Variants in MCTP2 observed in about 807,000 individuals in gnomAD.
The protein encoded by MCTP2 is multiple C2 and transmembrane domain containing 2, also known as multiple C2 and transmembrane domain-containing protein 2.
Under a neutral mutation model 111.6 loss-of-function variants are expected in MCTP2, and 132 were observed. The observed-to-expected ratio is 1.18, with a 90% CI of 1.03 to 1.37. The LOEUF (loss-of-function observed/expected upper bound fraction) is 1.37. Ranked by LOEUF, MCTP2 falls within the 40% of genes most tolerant of loss-of-function variation. MCTP2 has a pLI of 0.00. For synonymous variants in MCTP2, 395 were observed against 387.7 expected, an observed-to-expected ratio of 1.02 and a Z score of -0.22; for missense variants, 1,183 against 1,067.9, an observed-to-expected ratio of 1.11 and a Z score of -1.50.
chr15:94,408,615 G>A (rs1365311539), intron 17 of MCTP2, among the ~76,000 whole-genome samples: 1 of 151,928 alleles, frequency 6.6e-6, no homozygotes, highest in Admixed American at 6.6e-5. Flanking sequence ...AACTAATTAT[G>A]CAATTTAATA....
At chr15:94,423,454 C>T (rs2082721154) in intron 17 of MCTP2, among the ~76,000 whole-genome samples, 1 of 152,036 alleles carries the variant, frequency 6.6e-6, no homozygotes, top group Non-Finnish European at 1.5e-5. Context: ...GGAATTAACA[C>T]AAAAGGGAAA....
chr15:94,398,523 T>C (rs1264963451), intron 14 of MCTP2, among the ~76,000 whole-genome samples: 1 of 152,230 alleles, frequency 6.6e-6, no homozygotes, highest in Non-Finnish European at 1.5e-5. Context: ...ATCTTTTTTC[T>C]GTTCAAGGAC....
intron 22 of MCTP2, among the ~76,000 whole-genome samples, chr15:94,478,221 A>T (rs1375325297): frequency 6.6e-6 from 1 of 152,188 alleles, no homozygotes; most frequent in Non-Finnish European, 1.5e-5. Flanking sequence ...AATTTCCCTC[A>T]AGCCCCCAAG....
intron 7 of MCTP2, chr15:94,343,305 G>A (rs1183242033): frequency 6.6e-6 from 1 of 152,090 alleles, no homozygotes; most frequent in African/African-American, 2.4e-5. Flanking sequence ...GGGATTTTAA[G>A]TGGGAATAAC....
chr15:94,259,264 G>A (rs547409030), intron 1 of MCTP2, among the ~76,000 whole-genome samples: 104 of 152,282 alleles, frequency 6.8e-4, no homozygotes, highest in African/African-American at 2.5e-3. Context: ...AAAGCTCATC[G>A]AACTCCAAAT....
chr15:94,358,613 G>A lies in MCTP2; in HGVS notation c.1301+1G>A, dbSNP rs746093287. ...AAAAGCATGAGGAACGTCTGGGCACGTGAGTCCCCTCTGCTTTCCAGTGGC... is the reference window on the plus strand; with the variant it reads ...AAAAGCATGAGGAACGTCTGGGCACATGAGTCCCCTCTGCTTTCCAGTGGC... On this transcript the variant is annotated splice_donor_variant, in intron 10 of 22. Transcript: ENST00000357742. LOFTEE classifies it high-confidence loss of function. 4.2e-5 allele frequency: 67 copies of A among 1,613,162 alleles called. No homozygotes were observed. Among genetic ancestry groups the A allele is most frequent in the Non-Finnish European group, 5.0e-5 (59 of 1,179,546 alleles).
At chr15:94,337,685 G>GCA (rs2077432411) in intron 4 of MCTP2, among the ~76,000 whole-genome samples, 2 of 149,596 alleles carry the variant, frequency 1.3e-5, no homozygotes, top group East Asian at 1.9e-4. Context: ...GTGTGTGTGT[G>GCA]CGCGCGCATG....
chr15:94,250,444 C>T (rs1379351164), intron 1 of MCTP2, among the ~76,000 whole-genome samples: 1 of 152,068 alleles, frequency 6.6e-6, no homozygotes, highest in African/African-American at 2.4e-5. Flanking sequence ...ACTATAGAAG[C>T]CTATGAACAC....
In MCTP2 at chr15:94,367,755, A is replaced by G. The variant is rs1233755048; in HGVS notation, c.1452A>G (p.Ala484=). The G allele has an allele frequency of 1.9e-6, 3 of 1,606,636 alleles. No individual in the cohort carries two copies. The highest frequency in any genetic ancestry group is 2.5e-6 in the Non-Finnish European group (3 of 1,176,774). Residue 484 remains alanine (A), a synonymous_variant, in exon 11 of 23, where the codon GCA becomes GCG. Coordinates refer to ENST00000357742, the MANE Select transcript of MCTP2 (RefSeq NM_001385001.1). The part of the protein sequence containing the change: ...SVSDLCVCPL[A]DLSERKQITQ... ...CTGATCTGTGTGTCTGCCCCTTAGC[A>G]GACCTCAGCGAAAGAAAGCAGATTA... is the stretch of plus-strand genomic sequence containing the variant.
chr15:94,399,196 A>T (rs1029727621), intron 15 of MCTP2, 134 bp downstream of exon 15: 3 of 588,224 alleles, frequency 5.1e-6, no homozygotes, highest in Non-Finnish European at 9.2e-6. Context: ...AGTGTTTTAA[A>T]GCTGTGCATT....
rs574190395 is a variant in MCTP2 at position 94,375,318 on chromosome 15, G to T, written c.1582+5138G>T. Among the ~76,000 whole-genome samples, 12 of 152,274 alleles carry T rather than the reference G, an allele frequency of 7.9e-5. No homozygotes were observed. In the East Asian group the frequency reaches 2.3e-3, roughly 29 times the overall value. On this transcript the variant is annotated intron_variant, in intron 12 of 22. Coordinates refer to ENST00000357742, the MANE Select transcript of MCTP2 (RefSeq NM_001385001.1). ...GCTGGGCCCCACCTCCACCATTGGGGATTACACCTGGACCTGAGATTTGGG... is the reference window on the plus strand; with the variant it reads ...GCTGGGCCCCACCTCCACCATTGGGTATTACACCTGGACCTGAGATTTGGG...
At chr15:94,235,621 G>A (rs1260776122) in intron 1 of MCTP2, among the ~76,000 whole-genome samples, 2 of 152,204 alleles carry the variant, frequency 1.3e-5, no homozygotes, top group Non-Finnish European at 2.9e-5. Flanking sequence ...CTCAGGTTGT[G>A]CCAGGCATTT....
chr15:94,467,571 T>C (rs1002998139), intron 20 of MCTP2, among the ~76,000 whole-genome samples: 1 of 152,220 alleles, frequency 6.6e-6, no homozygotes, highest in African/African-American at 2.4e-5. Context: ...CTCACCTTTT[T>C]TTTAAAGCTG....
At chr15:94,324,042 C>T (rs1272689581) in intron 4 of MCTP2, among the ~76,000 whole-genome samples, 1 of 152,166 alleles carries the variant, frequency 6.6e-6, no homozygotes, top group African/African-American at 2.4e-5. Flanking sequence ...AACTTTGAGA[C>T]TGGTAAAGCA....
At chr15:94,235,544 A>G (rs1163131111) in intron 1 of MCTP2, among the ~76,000 whole-genome samples, 1 of 152,180 alleles carries the variant, frequency 6.6e-6, no homozygotes, top group African/African-American at 2.4e-5. Context: ...TGAAATTAAT[A>G]ATAATAGTAA....
chr15:94,344,986 T>C, intron 7 of MCTP2, 143 bp from the exon 8 acceptor site: 8 of 916,268 alleles, frequency 8.7e-6, no homozygotes, highest in Non-Finnish European at 1.3e-5. Flanking sequence ...TCAAATATGC[T>C]TTCTCTATAA....
chr15:94,267,869 C>CTTTTTTTTTTT lies in MCTP2; in HGVS notation c.-65-30328_-65-30318dup, dbSNP rs755287019. ...GGTCTGGATTACTTTCCTTTTCTTT[C>CTTTTTTTTTTT]TTTTTTTTTTTTTTGAGACAGAGTC... On this transcript the variant is annotated intron_variant, in intron 1 of 22. Transcript: ENST00000357742. Among the ~76,000 whole-genome samples, 129 of 77,444 alleles carry CTTTTTTTTTTT rather than the reference C, an allele frequency of 1.7e-3. 13 individuals are homozygous for CTTTTTTTTTTT. The highest frequency in any genetic ancestry group is 0.011 in the Middle Eastern group (1 of 88). The allele number at this position is 77,444 out of a possible 152,430, so 50.8% of individuals were successfully genotyped here.
chr15:94,277,313 A>G (rs141807238), intron 1 of MCTP2, among the ~76,000 whole-genome samples: 11 of 152,286 alleles, frequency 7.2e-5, no homozygotes, highest in African/African-American at 2.6e-4. Flanking sequence ...TCTAGTGATC[A>G]TGCTTTTTAA....
chr15:94,461,971 C>G (rs972164385), intron 20 of MCTP2, among the ~76,000 whole-genome samples: 2 of 152,182 alleles, frequency 1.3e-5, no homozygotes, highest in African/African-American at 4.8e-5. Context: ...AAAGCAAACA[C>G]AGGCTAGTGT....
Sources: allele counts gnomAD v4.1 joint callset (sites outside exome capture counted in the v4.1 genomes callset), GRCh38; gene constraint gnomAD v4.1.1; transcripts MANE v1.5; gene names NCBI Gene and HGNC (gene_info 2026-07-23, HGNC 2026-07-21).